Variants in CFAP52 observed in about 807,000 individuals in gnomAD.
CFAP52 encodes cilia and flagella associated protein 52.
In CFAP52, 57 loss-of-function variants were observed where a neutral mutation model predicts 70.5. The ratio of observed to expected loss-of-function variants is 0.81; its 90% CI spans 0.65 to 1.01. The LOEUF (loss-of-function observed/expected upper bound fraction) is 1.01. Among genes scored for constraint, CFAP52 ranks in the 50% least tolerant of loss-of-function variants. The probability of loss-of-function intolerance (pLI) is 0.00; values close to 1 mark genes in which losing one functional copy is unlikely to be tolerated. For synonymous variants in CFAP52, 267 were observed against 292.5 expected (o/e 0.91, Z 0.89); for missense variants, 785 against 788.5 (o/e 1.00, Z 0.05).
intron 1 of CFAP52, among the ~76,000 whole-genome samples, chr17:9,578,551 GTTTAT>G (rs1385948718): frequency 5.3e-5 from 8 of 152,152 alleles, no homozygotes; most frequent in Admixed American, 4.6e-4. Context: ...GCAGTGTATA[GTTTAT>G]TTTATTTATT....
At chr17:9,627,522 G>A (rs941764231) in intron 8 of CFAP52, among the ~76,000 whole-genome samples, 2 of 151,778 alleles carry the variant, frequency 1.3e-5, no homozygotes, top group African/African-American at 2.4e-5. Context: ...ATAAATAAAT[G>A]AATAAATAAA....
intron 9 of CFAP52, among the ~76,000 whole-genome samples, chr17:9,631,054 GAAAGAA>G (rs746544544): frequency 1.6e-4 from 17 of 103,694 alleles, no homozygotes; most frequent in African/African-American, 2.9e-4. Context: ...GAGAGAGAGA[GAAAGAA>G]AGAAAGAAAG....
intron 8 of CFAP52, among the ~76,000 whole-genome samples, chr17:9,626,962 C>A (rs1415986436): frequency 2.0e-5 from 3 of 152,236 alleles, no homozygotes; most frequent in Non-Finnish European, 4.4e-5. Flanking sequence ...TAAAAATTAG[C>A]TTTAATCTCC....
intron 8 of CFAP52, among the ~76,000 whole-genome samples, chr17:9,623,338 T>TTGAAA (rs796349830): frequency 1.8e-4 from 28 of 152,316 alleles, no homozygotes; most frequent in African/African-American, 6.5e-4. Context: ...AGTACATCTC[T>TTGAAA]TGAAACAGCA....
chr17:9,594,276 T>C lies in CFAP52; in HGVS notation c.491T>C (p.Val164Ala), dbSNP rs755014033. ...CTCAATGTTGGCAATGCCACCAATG[T>C]GATCTTCTCCAGGTGCCGGGATGAG... ...AGLNVGNATN[V>A]IFSRCRDEMF... is the part of the protein sequence containing the mutation. Residue 164 changes from valine to alanine, a missense_variant, in exon 4 of 14, where the codon GTG becomes GCG. Transcript: ENST00000352665. 2 of 1,614,094 alleles carry C rather than the reference T, an allele frequency of 1.2e-6. No individual in the cohort carries two copies. The highest frequency in any genetic ancestry group is 3.3e-5 in the Admixed American group (2 of 60,004).
In CFAP52 at chr17:9,642,275, C is replaced by T. The variant is rs138663544; in HGVS notation, c.1687+440C>T. Among the ~76,000 whole-genome samples, 295 of 152,256 alleles carry T rather than the reference C, an allele frequency of 1.9e-3. 2 individuals carry two copies. Among genetic ancestry groups the T allele is most frequent in the African/African-American group, 6.5e-3 (270 of 41,536 alleles). ...AAGGGGCATTTACCACACAACATGCCGATTGGAACATCATTATCATTTCCT... is the reference window on the plus strand; with the variant it reads ...AAGGGGCATTTACCACACAACATGCTGATTGGAACATCATTATCATTTCCT... On this transcript the variant is annotated intron_variant, in intron 13 of 13. Coordinates refer to ENST00000352665, the MANE Select transcript of CFAP52 (RefSeq NM_145054.5).
chr17:9,641,702 A>G, intron 12 of CFAP52, 22 bp from the exon 13 acceptor site: 1 of 1,583,018 alleles, frequency 6.3e-7, no homozygotes, highest in Non-Finnish European at 8.7e-7. Context: ...GTCCTGCTTA[A>G]TGCTTCTTTC....
rs537767273 is a variant in CFAP52, at chr17:9,598,956, C to T, written c.636+623C>T. 1.3e-5 allele frequency among the ~76,000 whole-genome samples: 2 copies of T among 152,202 alleles called. 1 individual carries two copies. Among genetic ancestry groups the T allele is most frequent in the African/African-American group, 4.8e-5 (2 of 41,526 alleles). On this transcript the variant is annotated intron_variant, in intron 5 of 13. Transcript: ENST00000352665. ...TCAGAGCCCACAGCACATTCCTATG[C>T]CACTGATGCTATTTCTGCCACTGAA...
chr17:9,630,160 T>C (rs976118303), intron 9 of CFAP52, among the ~76,000 whole-genome samples: 13 of 151,824 alleles, frequency 8.6e-5, no homozygotes, highest in African/African-American at 3.1e-4. Flanking sequence ...CACCAGCATC[T>C]CTCCCCTAGA....
Position 9,586,808 on chromosome 17 carries a change from A to G in CFAP52, c.381A>G (p.Val127=), listed in dbSNP as rs1908510664. 1.2e-6 allele frequency: 2 copies of G among 1,611,938 alleles called. No individual in the cohort carries two copies. Among genetic ancestry groups the G allele is most frequent in the African/African-American group, 2.7e-5 (2 of 74,782 alleles). Residue 127 remains valine (V), a synonymous_variant, in exon 3 of 14, where the codon GTA becomes GTG. Transcript: ENST00000352665. ...TTTCTCCAAATGATTTGTACTTGGT[A>G]TCACTAGGAGGCCCAGATGACGGAA... The part of the protein sequence containing the change: ...LAFSPNDLYL[V]SLGGPDDGSV...
chr17:9,635,661 T>A, intron 11 of CFAP52, 105 bp downstream of exon 11: 1 of 1,444,856 alleles, frequency 6.9e-7, no homozygotes, highest in Non-Finnish European at 9.5e-7. Context: ...AGAAATCTTA[T>A]TTAAGGCAAC....
Position 9,641,754 on chromosome 17 carries a change from G to C in CFAP52, c.1606G>C (p.Val536Leu). ...IAYWEVFDGT[V>L]IRELEGSLSG... Reference sequence around the variant, plus strand: ...TTACTGGGAAGTATTTGATGGGACAGTAATCAGAGAATTGGAAGGTTCCCT... The same window carrying C: ...TTACTGGGAAGTATTTGATGGGACACTAATCAGAGAATTGGAAGGTTCCCT... The change falls in exon 13 of 14, where the codon GTA becomes CTA. Residue 536 changes from valine (V) to leucine (L), a missense_variant. Physicochemically the swap from Val to Leu is conservative, Grantham distance 32. Coordinates refer to ENST00000352665, the MANE Select transcript of CFAP52 (RefSeq NM_145054.5). 6.2e-7 allele frequency: 1 copy of C among 1,613,878 alleles called. No homozygotes were observed. The highest frequency in any genetic ancestry group is 8.5e-7 in the Non-Finnish European group (1 of 1,179,812).
rs766179265 is a variant in CFAP52, at chr17:9,635,519, G to A, written c.1435G>A (p.Ala479Thr). Residue 479 changes from alanine to threonine, a missense_variant, in exon 11 of 14, where the codon GCC becomes ACC. By Grantham distance (58) the Ala-to-Thr change is moderately conservative. Coordinates refer to ENST00000352665, the MANE Select transcript of CFAP52 (RefSeq NM_145054.5). Reference protein sequence around the residue: ...VKRNNEECVTASTDGTCIIWD... With the variant: ...VKRNNEECVTTSTDGTCIIWD... The stretch of plus-strand genomic sequence containing the variant: ...GAGGAACAACGAGGAGTGTGTCACC[G>A]CCAGCACCGATGGGACTTGTATCAT... 7.9e-5 allele frequency: 128 copies of A among 1,614,056 alleles called. No homozygotes were observed. Among genetic ancestry groups the A allele is most frequent in the Non-Finnish European group, 1.0e-4 (122 of 1,180,050 alleles).
intron 8 of CFAP52, among the ~76,000 whole-genome samples, chr17:9,616,305 G>A (rs1307306062): frequency 2.3e-5 from 3 of 130,936 alleles, no homozygotes; most frequent in Non-Finnish European, 4.8e-5. Context: ...TTAAGAAACG[G>A]CGCACCACGA....
chr17:9,637,570 T>C (rs1438025527), intron 11 of CFAP52, among the ~76,000 whole-genome samples: 2 of 152,210 alleles, frequency 1.3e-5, no homozygotes, highest in African/African-American at 2.4e-5. Flanking sequence ...GGTTCTATTA[T>C]GCACATAAAA....
chr17:9,609,152 T>C (rs773204041), intron 7 of CFAP52, among the ~76,000 whole-genome samples: 2 of 152,068 alleles, frequency 1.3e-5, no homozygotes, highest in Non-Finnish European at 2.9e-5. Flanking sequence ...GCTGTCTTCA[T>C]TCCAAGAAAT....
intron 8 of CFAP52, among the ~76,000 whole-genome samples, chr17:9,621,837 C>T (rs1440057674): frequency 5.9e-5 from 8 of 135,242 alleles, no homozygotes; most frequent in Non-Finnish European, 9.4e-5. Flanking sequence ...GGGAATATCA[C>T]ACTCTGGGGA....
chr17:9,628,630 C>G, intron 8 of CFAP52, 42 bp from the exon 9 acceptor site: 4 of 1,596,760 alleles, frequency 2.5e-6, no homozygotes, highest in Non-Finnish European at 2.6e-6. Flanking sequence ...ATCTGGGAAA[C>G]TGCATCTTTT....
At chr17:9,631,006 G>GAA (rs1428426933) in intron 9 of CFAP52, among the ~76,000 whole-genome samples, 1 of 50,078 alleles carries the variant, frequency 2.0e-5, no homozygotes, top group Non-Finnish European at 3.2e-5. Flanking sequence ...AAGAAAGAAA[G>GAA]AAAGAAAGAA....
Sources: allele counts gnomAD v4.1 joint callset (sites outside exome capture counted in the v4.1 genomes callset), GRCh38; gene constraint gnomAD v4.1.1; transcripts MANE v1.5; gene names NCBI Gene and HGNC (gene_info 2026-07-23, HGNC 2026-07-21).